DNAAF11: variants seen among roughly 807,000 people sequenced by gnomAD.
DNAAF11 encodes dynein axonemal assembly factor 11.
A neutral mutation model predicts 60.8 loss-of-function variants in DNAAF11; 45 were observed. The ratio of observed to expected loss-of-function variants is 0.74; its 90% CI spans 0.58 to 0.95. The LOEUF (loss-of-function observed/expected upper bound fraction) is 0.95, where lower values mean the gene tolerates loss of function less well. DNAAF11 is among the 40% of genes least tolerant of loss of function. The pLI, the probability that DNAAF11 is intolerant of heterozygous loss-of-function variation, is 0.00. For missense variants in DNAAF11, 546 were observed against 546.2 expected (o/e 1.00, Z 0.00); for synonymous variants, 191 against 183.5 (o/e 1.04, Z -0.33).
chr8:132,652,630 T>C (rs1055955555), intron 3 of DNAAF11, among the ~76,000 whole-genome samples: 2 of 152,182 alleles, frequency 1.3e-5, no homozygotes, highest in Non-Finnish European at 1.5e-5. Context: ...GGTGAGTTCA[T>C]GTCCTTTGCA....
chr8:132,687,992 T>G, the DNAAF11 span, among the ~76,000 whole-genome samples: 89,432 of 152,134 alleles, frequency 0.59, 28,891 homozygotes, highest in African/African-American at 0.88. Context: ...ATATAAAAAT[T>G]TAACATCCTG....
chr8:132,671,018 C>T (rs1016805423), intron 1 of DNAAF11, among the ~76,000 whole-genome samples: 2 of 152,106 alleles, frequency 1.3e-5, no homozygotes, highest in African/African-American at 4.8e-5. Context: ...AAAGACTCTT[C>T]CCGTAAGAAT....
At chr8:132,579,478 C>T (rs1167320001) in intron 11 of DNAAF11, among the ~76,000 whole-genome samples, 20 of 152,070 alleles carry the variant, frequency 1.3e-4, no homozygotes. Flanking sequence ...ACCCCTGGAC[C>T]ACGTGATCAG....
intron 3 of DNAAF11, among the ~76,000 whole-genome samples, chr8:132,645,994 A>G (rs1459883595): frequency 6.6e-6 from 1 of 152,210 alleles, no homozygotes; most frequent in Admixed American, 6.5e-5. Flanking sequence ...GAATGCCACA[A>G]AGATAATCCT....
chr8:132,597,466 C>A (rs536680318), intron 10 of DNAAF11, among the ~76,000 whole-genome samples: 1 of 152,302 alleles, frequency 6.6e-6, no homozygotes, highest in South Asian at 2.1e-4. Context: ...ACCTTCTGAG[C>A]AGCTAGGGCC....
At chr8:132,600,992 C>T (rs1466293692) in intron 10 of DNAAF11, among the ~76,000 whole-genome samples, 1 of 152,168 alleles carries the variant, frequency 6.6e-6, no homozygotes, top group Non-Finnish European at 1.5e-5. Context: ...AGGCAACCTA[C>T]AGAATGGGAA....
chr8:132,622,841 C>G, intron 6 of DNAAF11, 153 bp from the exon 7 acceptor site: 3 of 605,412 alleles, frequency 5.0e-6, no homozygotes, highest in Non-Finnish European at 8.7e-6. Flanking sequence ...GTTCTTAAGT[C>G]CATTCCTTTA....
At chr8:132,699,393 G>C in the DNAAF11 span, among the ~76,000 whole-genome samples, 5 of 152,096 alleles carry the variant, frequency 3.3e-5, no homozygotes, top group African/African-American at 1.2e-4. Flanking sequence ...AGTGCTAGGC[G>C]CTGTGATGTA....
chr8:132,698,231 C>T, the DNAAF11 span, among the ~76,000 whole-genome samples: 1 of 152,182 alleles, frequency 6.6e-6, no homozygotes, highest in African/African-American at 2.4e-5. Context: ...TCCCACACTT[C>T]GTAATAGACC....
At chr8:132,684,120 C>T in the DNAAF11 span, among the ~76,000 whole-genome samples, 1 of 152,188 alleles carries the variant, frequency 6.6e-6, no homozygotes. Flanking sequence ...TTTTAGAGGG[C>T]ACTTTCTCCA....
chr8:132,610,918 G>C (rs887148708), intron 9 of DNAAF11, among the ~76,000 whole-genome samples: 2 of 151,952 alleles, frequency 1.3e-5, no homozygotes, highest in Non-Finnish European at 2.9e-5. Flanking sequence ...TTTTGAGTCA[G>C]AGTCTCACTC....
At chr8:132,610,398 A>G in intron 9 of DNAAF11, 137 bp from the exon 10 acceptor site, 1 of 614,134 alleles carries the variant, frequency 1.6e-6, no homozygotes, top group African/African-American at 1.8e-5. Context: ...AAAAATATTG[A>G]TATGAGCTAT....
chr8:132,622,658 C>G lies in DNAAF11; in HGVS notation c.867G>C (p.Arg289Ser), dbSNP rs1406723845. ...SEKKKKVKPP[R>S]TLITEDGKAL... Reference sequence around the variant, plus strand: ...CTTTCCCATCTTCAGTGATCAAAGTCCTGGGTGGTTTCACTTTCTTCTTTT... The same window carrying G: ...CTTTCCCATCTTCAGTGATCAAAGTGCTGGGTGGTTTCACTTTCTTCTTTT... Residue 289 changes from arginine (R) to serine (S), a missense_variant, in exon 7 of 12, where the codon AGG becomes AGC. Arg to Ser is a moderately radical substitution (Grantham distance 110). Coordinates refer to ENST00000620350, the MANE Select transcript of DNAAF11 (RefSeq NM_012472.6). The G allele has an allele frequency of 6.2e-7, 1 of 1,613,612 alleles. No individual in the cohort carries two copies. The highest frequency in any genetic ancestry group is 8.5e-7 in the Non-Finnish European group (1 of 1,179,712).
chr8:132,642,521 T>C (rs377248440), intron 3 of DNAAF11, among the ~76,000 whole-genome samples: 10 of 152,310 alleles, frequency 6.6e-5, no homozygotes, highest in Middle Eastern at 3.4e-3. Flanking sequence ...ACTGGAAGGA[T>C]TGCCCTGCAA....
At chr8:132,578,460 T>C in intron 11 of DNAAF11, 1 of 1,529,846 alleles carries the variant, frequency 6.5e-7, no homozygotes, top group Non-Finnish European at 8.7e-7. Flanking sequence ...CGCCCATCAC[T>C]GGTCTTACCC....
chr8:132,671,124 A>G (rs553192453), intron 1 of DNAAF11, among the ~76,000 whole-genome samples: 1 of 152,356 alleles, frequency 6.6e-6, no homozygotes, highest in African/African-American at 2.4e-5. Flanking sequence ...CAGGTGGTAG[A>G]GAAGTAGAAT....
At chr8:132,686,422 G>C in the DNAAF11 span, among the ~76,000 whole-genome samples, 1 of 152,092 alleles carries the variant, frequency 6.6e-6, no homozygotes, top group Non-Finnish European at 1.5e-5. Context: ...ATCTTTACAT[G>C]GTTTAGAGAT....
chr8:132,614,332 G>C (rs1034177817), intron 8 of DNAAF11, among the ~76,000 whole-genome samples: 23 of 152,248 alleles, frequency 1.5e-4, no homozygotes, highest in Non-Finnish European at 2.8e-4. Context: ...GATGGTGCCA[G>C]GGGACACTGA....
At position 132,615,102 on chromosome 8, in the gene DNAAF11, GAATA is replaced by G. The variant is rs2063670137; in HGVS notation, c.915-9_915-6del. On this transcript the variant is annotated splice_region_variant and splice_polypyrimidine_tract_variant and intron_variant, in intron 7 of 11. Coordinates refer to ENST00000620350, the MANE Select transcript of DNAAF11 (RefSeq NM_012472.6). ...TCTTTCAAAGAGAAGTCAATTCTAA[GAATA>G]ACACATTTGGTGGGAAAAAAGAGAT... The G allele has an allele frequency of 6.3e-7, 1 of 1,595,200 alleles. No homozygotes were observed. Among genetic ancestry groups the G allele is most frequent in the Non-Finnish European group, 8.6e-7 (1 of 1,164,078 alleles).
Sources: allele counts gnomAD v4.1 joint callset (sites outside exome capture counted in the v4.1 genomes callset), GRCh38; gene constraint gnomAD v4.1.1; transcripts MANE v1.5; gene names NCBI Gene and HGNC (gene_info 2026-07-23, HGNC 2026-07-21).